RAP1A: variants seen among roughly 807,000 people sequenced by gnomAD.
RAP1A encodes the protein ras-related protein Rap-1A.
Under a neutral mutation model 26.4 loss-of-function variants are expected in RAP1A, and 6 were observed. The ratio of observed to expected loss-of-function variants is 0.23; its 90% confidence interval spans 0.12 to 0.45. The LOEUF (loss-of-function observed/expected upper bound fraction) is 0.45, where lower values mean the gene tolerates loss of function less well. RAP1A is among the 20% of genes least tolerant of loss of function. The probability of loss-of-function intolerance (pLI) is 0.99; values close to 1 mark genes in which losing one functional copy is unlikely to be tolerated. For synonymous variants in RAP1A, 73 were observed against 79.4 expected (o/e 0.92, Z 0.43); for missense variants, 121 against 217.2 (o/e 0.56, Z 2.78).
chr1:111,550,038 T>C (rs1261072361), intron 1 of RAP1A, among the ~76,000 whole-genome samples: 1 of 152,234 alleles, frequency 6.6e-6, no homozygotes, highest in Non-Finnish European at 1.5e-5. Context: ...TTCTAGTCTT[T>C]CTTGAGTGAG....
In RAP1A at chr1:111,709,208, TA is replaced by T; in HGVS notation, c.533del (p.Lys178ArgfsTer80). On this transcript the variant is annotated frameshift_variant, in exon 7 of 8. Transcript: ENST00000369709. LOFTEE classifies it high-confidence loss of function. Reference sequence around the variant, plus strand: ...AAACACCAGTGGAAAAGAAGAAGCCTAAAAAGAAATCATGTCTGCTGCTCTA... The same window carrying T: ...AAACACCAGTGGAAAAGAAGAAGCCTAAAAGAAATCATGTCTGCTGCTCTA... Reference protein sequence around the residue: ...RKTPVEKKKPKKKSCLLL With the variant: ...RKTPVEKKKPXKKSCLLL 1 of 1,613,622 alleles carries T rather than the reference TA, an allele frequency of 6.2e-7. No homozygotes were observed. Among genetic ancestry groups the T allele is most frequent in the Non-Finnish European group, 8.5e-7 (1 of 1,179,856 alleles).
intron 1 of RAP1A, among the ~76,000 whole-genome samples, chr1:111,547,815 T>G (rs1194815225): frequency 6.6e-6 from 1 of 152,226 alleles, no homozygotes; most frequent in Non-Finnish European, 1.5e-5. Context: ...AGAAAGACTC[T>G]CTGGTGAAGC....
At chr1:111,628,124 T>A (rs1414456019) in intron 1 of RAP1A, among the ~76,000 whole-genome samples, 2 of 152,108 alleles carry the variant, frequency 1.3e-5, no homozygotes, top group Admixed American at 6.6e-5. Context: ...CCCCATAGGA[T>A]TGTTGAGAGG....
At chr1:111,586,663 C>A (rs970263456) in intron 1 of RAP1A, among the ~76,000 whole-genome samples, 4 of 152,186 alleles carry the variant, frequency 2.6e-5, no homozygotes, top group African/African-American at 9.7e-5. Context: ...GTCTTCTTCA[C>A]CTCCAGTGAG....
chr1:111,701,352 CATGGTTGCTCAA>C (rs1662015880), intron 4 of RAP1A, among the ~76,000 whole-genome samples: 1 of 152,214 alleles, frequency 6.6e-6, no homozygotes, highest in Admixed American at 6.5e-5. Context: ...ACCTCCCTCA[CATGGTTGCTCAA>C]ATGTTACCCG....
chr1:111,611,972 A>T (rs1415606596), intron 1 of RAP1A, among the ~76,000 whole-genome samples: 1 of 150,498 alleles, frequency 6.6e-6, no homozygotes, highest in African/African-American at 2.4e-5. Context: ...TCAGATATCC[A>T]TATATTTGGG....
At chr1:111,676,930 A>T (rs921434988) in intron 1 of RAP1A, among the ~76,000 whole-genome samples, 8 of 151,860 alleles carry the variant, frequency 5.3e-5, no homozygotes, top group Non-Finnish European at 1.0e-4. Flanking sequence ...AGTAGCCAGG[A>T]TTACAGGTGC....
rs141403591 is a variant in RAP1A, at chr1:111,582,733, A to T, written c.-28+40224A>T. Among the ~76,000 whole-genome samples, 27 of 152,322 alleles carry T rather than the reference A, an allele frequency of 1.8e-4. No homozygotes were observed. The East Asian group carries it at 3.7e-3, about 21-fold the overall frequency. ...TGCTCAGGCTTTTTAATAATTTATT[A>T]AAAAAATTAAAAGTACTCAGTTGTA... On this transcript the variant is annotated intron_variant, in intron 1 of 7. Transcript: ENST00000356415.
At chr1:111,664,649 T>C (rs2101166174) in intron 1 of RAP1A, among the ~76,000 whole-genome samples, 1 of 152,334 alleles carries the variant, frequency 6.6e-6, no homozygotes, top group Middle Eastern at 3.4e-3. Flanking sequence ...TTCCATGTCC[T>C]GTCATTCCTC....
chr1:111,632,924 A>AAG (rs2101106564), intron 1 of RAP1A, among the ~76,000 whole-genome samples: 1 of 146,206 alleles, frequency 6.8e-6, no homozygotes, highest in Admixed American at 6.8e-5. Context: ...TTGGTCTCAA[A>AAG]AAAAAAAAAA....
intron 1 of RAP1A, among the ~76,000 whole-genome samples, chr1:111,677,871 A>T (rs1157665894): frequency 1.3e-5 from 2 of 152,254 alleles, no homozygotes; most frequent in African/African-American, 2.4e-5. Context: ...GATACAAGGT[A>T]TGAATACAAG....
intron 1 of RAP1A, among the ~76,000 whole-genome samples, chr1:111,675,717 A>G (rs964192734): frequency 6.6e-6 from 1 of 152,220 alleles, no homozygotes; most frequent in Non-Finnish European, 1.5e-5. Flanking sequence ...GATATTTGCC[A>G]TTATGTCTGC....
At chr1:111,640,684 G>C (rs565948843) in intron 1 of RAP1A, among the ~76,000 whole-genome samples, 1 of 152,232 alleles carries the variant, frequency 6.6e-6, no homozygotes, top group African/African-American at 2.4e-5. Flanking sequence ...TTTTGACCAG[G>C]CATGGTGGCT....
At chr1:111,591,783 T>A (rs1358777757) in intron 1 of RAP1A, among the ~76,000 whole-genome samples, 1 of 152,236 alleles carries the variant, frequency 6.6e-6, no homozygotes, top group African/African-American at 2.4e-5. Context: ...CAGACCTTTT[T>A]TGTATTTCCC....
At chr1:111,697,319 A>T (rs1428274238) in intron 3 of RAP1A, 122 bp from the exon 4 acceptor site, 1 of 1,548,566 alleles carries the variant, frequency 6.5e-7, no homozygotes, top group East Asian at 2.3e-5. Flanking sequence ...CAGCCATTAC[A>T]GCATACTGCT....
At chr1:111,668,389 G>A (rs1489983401) in intron 1 of RAP1A, among the ~76,000 whole-genome samples, 1 of 152,084 alleles carries the variant, frequency 6.6e-6, no homozygotes, top group East Asian at 1.9e-4. Context: ...TGTTTAGCGA[G>A]GTAAAGATTA....
At chr1:111,697,361 T>G (rs1661866689) in intron 3 of RAP1A, 80 bp from the exon 4 acceptor site, 1 of 1,601,952 alleles carries the variant, frequency 6.2e-7, no homozygotes, top group Non-Finnish European at 8.5e-7. Flanking sequence ...TAATAGTTAC[T>G]TTGATGGAAG....
intron 1 of RAP1A, among the ~76,000 whole-genome samples, chr1:111,586,272 G>A (rs1441980530): frequency 1.3e-5 from 2 of 152,152 alleles, no homozygotes; most frequent in African/African-American, 2.4e-5. Context: ...TGGAAGTCGT[G>A]ACAACATGAA....
chr1:111,709,096 A>T (rs1040721854), intron 6 of RAP1A, 53 bp from the exon 7 acceptor site: 1 of 1,565,796 alleles, frequency 6.4e-7, no homozygotes, highest in African/African-American at 1.4e-5. Context: ...GTTTTGTGGA[A>T]CAAAGTCTCA....
Sources: allele counts gnomAD v4.1 joint callset (sites outside exome capture counted in the v4.1 genomes callset), GRCh38; gene constraint gnomAD v4.1.1; transcripts MANE v1.5; gene names NCBI Gene and HGNC (gene_info 2026-07-23, HGNC 2026-07-21).